TNRC6C: variants seen among roughly 807,000 people sequenced by gnomAD.
TNRC6C encodes the protein trinucleotide repeat containing adaptor 6C.
TNRC6C carries 20 observed loss-of-function variants against 153.7 expected under a neutral mutation model. The ratio of observed to expected loss-of-function variants is 0.13; its 90% CI spans 0.09 to 0.19. The LOEUF (loss-of-function observed/expected upper bound fraction) is 0.19, where lower values mean the gene tolerates loss of function less well. Ranked by LOEUF, TNRC6C falls within the 10% of genes least tolerant of loss-of-function variation. TNRC6C has a pLI of 1.00. For missense variants in TNRC6C, 1,987 were observed against 2,172.0 expected (o/e 0.91, Z 1.69); for synonymous variants, 811 against 841.4 (o/e 0.96, Z 0.63).
In TNRC6C at chr17:78,092,856, G is replaced by A. The variant is rs949504213; in HGVS notation, c.3971-77G>A. Reference sequence around the variant, plus strand: ...TGGACCTAGAACAGAAGGTACATAGGGAGGCTTAGGGTATCTTCTGGTGTC... The same window carrying A: ...TGGACCTAGAACAGAAGGTACATAGAGAGGCTTAGGGTATCTTCTGGTGTC... On this transcript the variant is annotated intron_variant, in intron 14 of 19. Transcript: ENST00000301624. 21 of 1,313,714 alleles carry A rather than the reference G, an allele frequency of 1.6e-5. No individual in the cohort carries two copies. The African/African-American group carries it at 2.9e-4, about 18-fold the overall frequency. The allele number at this position is 1,313,714 out of a possible 1,614,324, so 81.4% of individuals were successfully genotyped here.
At chr17:78,093,947 A>C (rs1772437593) in intron 16 of TNRC6C, among the ~76,000 whole-genome samples, 184 bp downstream of exon 18, 1 of 151,922 alleles carries the variant, frequency 6.6e-6, no homozygotes, top group Non-Finnish European at 1.5e-5. Context: ...AATGGAAATC[A>C]ATTTGAGTTT....
chr17:78,020,979 A>G (rs192712202), intron 1 of TNRC6C, among the ~76,000 whole-genome samples: 1 of 152,302 alleles, frequency 6.6e-6, no homozygotes, highest in African/African-American at 2.4e-5. Flanking sequence ...TTCATTGTTG[A>G]TTCACTTAAG....
At chr17:77,996,933 TAACA>T (rs2071337153) in intron 1 of TNRC6C, among the ~76,000 whole-genome samples, 1 of 152,022 alleles carries the variant, frequency 6.6e-6, no homozygotes, top group Admixed American at 6.6e-5. Context: ...AGTGGCAGAG[TAACA>T]GACAGTTCAT....
intron 3 of TNRC6C, among the ~76,000 whole-genome samples, chr17:78,060,673 C>G (rs974541379): frequency 2.6e-5 from 4 of 151,896 alleles, no homozygotes; most frequent in Non-Finnish European, 4.4e-5. Flanking sequence ...TCAAGTGATC[C>G]ACCTCAAGTG....
chr17:78,081,896 G>T (rs760931296), intron 10 of TNRC6C, among the ~76,000 whole-genome samples: 5 of 152,064 alleles, frequency 3.3e-5, no homozygotes, highest in Non-Finnish European at 7.4e-5. Context: ...ACAGAACCTT[G>T]GAAAGTTCAT....
At chr17:77,996,606 T>C (rs1404160855) in intron 1 of TNRC6C, among the ~76,000 whole-genome samples, 1 of 152,208 alleles carries the variant, frequency 6.6e-6, no homozygotes, top group East Asian at 1.9e-4. Flanking sequence ...AAACAACTTA[T>C]TCCTGAACTC....
At chr17:78,083,059 C>G in exon 11 of TNRC6C, 1 of 1,613,942 alleles carries the variant, frequency 6.2e-7, no homozygotes, top group Non-Finnish European at 8.5e-7. Context: ...TCAAGCACAG[C>G]TTTTGCAGTT....
intron 1 of TNRC6C, among the ~76,000 whole-genome samples, chr17:77,971,787 A>G (rs181007703): frequency 6.6e-6 from 1 of 152,270 alleles, no homozygotes; most frequent in East Asian, 1.9e-4. Flanking sequence ...TCCATCAGAA[A>G]TTAAGTAAGA....
rs116732753 is a variant in TNRC6C, at chr17:78,059,877, T to C, written c.2396-4845T>C. On this transcript the variant is annotated intron_variant, in intron 3 of 19. Transcript: ENST00000301624. ...AAAAAAAAAAAAGAAAAAGAAAATA[T>C]AGTGTGCCCCCCGCCACCGATAGCA... Among the ~76,000 whole-genome samples, 1,312 of 149,258 alleles carry C rather than the reference T, an allele frequency of 8.8e-3. 21 individuals carry two copies. The highest frequency in any genetic ancestry group is 0.03 in the African/African-American group (1,215 of 40,596).
At chr17:78,023,028 A>G (rs1030540057) in intron 1 of TNRC6C, among the ~76,000 whole-genome samples, 2 of 152,014 alleles carry the variant, frequency 1.3e-5, no homozygotes, top group Non-Finnish European at 2.9e-5. Flanking sequence ...GTATGCACCT[A>G]TTGTCCCAGC....
chr17:77,967,401 CG>C (rs10711167), intron 1 of TNRC6C, among the ~76,000 whole-genome samples: 6,746 of 151,172 alleles, frequency 0.045, 480 homozygotes, highest in African/African-American at 0.16. Flanking sequence ...ACAAGTCATG[CG>C]GGGGGGGAGA....
intron 9 of TNRC6C, chr17:78,077,569 C>T: frequency 1.7e-6 from 1 of 577,386 alleles, no homozygotes; most frequent in East Asian, 3.2e-5. Context: ...CGTGTTTGAG[C>T]TCTCAGCACC....
chr17:78,041,581 A>G (rs1254781734), intron 2 of TNRC6C, among the ~76,000 whole-genome samples: 1 of 152,136 alleles, frequency 6.6e-6, no homozygotes, highest in Non-Finnish European at 1.5e-5. Context: ...AATTCCTTGT[A>G]TTTATAGTAG....
intron 1 of TNRC6C, among the ~76,000 whole-genome samples, chr17:77,973,087 A>G (rs561541558): frequency 4.9e-4 from 74 of 152,258 alleles, no homozygotes; most frequent in Non-Finnish European, 7.1e-4. Context: ...TTGTATTTTT[A>G]GTAAAGACGG....
exon 14 of TNRC6C, chr17:78,091,599 G>A (rs765135192): frequency 1.2e-5 from 19 of 1,552,956 alleles, no homozygotes; most frequent in Non-Finnish European, 1.6e-5. Context: ...CAGAACCCTA[G>A]CAAGCATGGT....
intron 3 of TNRC6C, among the ~76,000 whole-genome samples, chr17:78,060,550 G>A (rs1356468678): frequency 4.3e-5 from 6 of 140,460 alleles, no homozygotes; most frequent in Admixed American, 3.9e-4. Context: ...TCAGCTCACT[G>A]CAACCTCTGC....
chr17:77,979,043 G>C (rs1254447175), intron 1 of TNRC6C, among the ~76,000 whole-genome samples: 1 of 152,082 alleles, frequency 6.6e-6, no homozygotes, highest in Non-Finnish European at 1.5e-5. Context: ...AGGCGATAAG[G>C]TTACCCACAG....
At chr17:78,108,691 C>T (rs1336225830) in exon 20 of TNRC6C, 1 of 154,492 alleles carries the variant, frequency 6.5e-6, no homozygotes, top group African/African-American at 2.4e-5. Flanking sequence ...GCAAAGACCT[C>T]GTGGGCCTGG....
At chr17:78,064,652 AC>A (rs201836492) in intron 3 of TNRC6C, 69 bp from the exon 6 acceptor site, 29,733 of 1,436,324 alleles carry the variant, frequency 0.021, 371 homozygotes, top group Non-Finnish European at 0.025. Flanking sequence ...GAAATTGAAA[AC>A]TGAATTATAT....
Sources: allele counts gnomAD v4.1 joint callset (sites outside exome capture counted in the v4.1 genomes callset), GRCh38; gene constraint gnomAD v4.1.1; transcripts MANE v1.5; gene names NCBI Gene and HGNC (gene_info 2026-07-23, HGNC 2026-07-21).